DISC1: variants seen among roughly 807,000 people sequenced by gnomAD.
DISC1 encodes the protein disrupted in schizophrenia 1 protein.
DISC1 carries 57 observed loss-of-function variants against 84.5 expected under a neutral mutation model. The observed-to-expected ratio is 0.67, with a 90% CI of 0.55 to 0.84. DISC1 has a LOEUF of 0.84. Among genes scored for constraint, DISC1 ranks in the 40% least tolerant of loss-of-function variants. DISC1 has a pLI of 0.00. For synonymous variants in DISC1, 411 were observed against 415.2 expected, an observed-to-expected ratio of 0.99 and a Z score of 0.12; for missense variants, 1,000 against 1,057.8, an observed-to-expected ratio of 0.95 and a Z score of 0.76.
At chr1:231,758,358 A>AT (rs111791124) in intron 4 of DISC1, among the ~76,000 whole-genome samples, 64 of 149,460 alleles carry the variant, frequency 4.3e-4, no homozygotes, top group Non-Finnish European at 6.5e-4. Context: ...AATCTAGTGG[A>AT]TTTTTTTTTT....
chr1:231,966,547 T>C (rs1354993291), intron 10 of DISC1, among the ~76,000 whole-genome samples: 1 of 152,258 alleles, frequency 6.6e-6, no homozygotes, highest in East Asian at 1.9e-4. Flanking sequence ...GGCAAACTCA[T>C]GTCTCTGGAC....
intron 9 of DISC1, among the ~76,000 whole-genome samples, chr1:231,919,948 T>C (rs2089893174): frequency 6.6e-6 from 1 of 152,210 alleles, no homozygotes; most frequent in Admixed American, 6.5e-5. Flanking sequence ...GGTTTCCCTG[T>C]TGCCTCTCTC....
At chr1:231,726,054 T>A (rs2070642150) in intron 3 of DISC1, among the ~76,000 whole-genome samples, 1 of 152,152 alleles carries the variant, frequency 6.6e-6, no homozygotes, top group Non-Finnish European at 1.5e-5. Flanking sequence ...AGAAACATGG[T>A]TGGTCTACAG....
intron 1 of DISC1, among the ~76,000 whole-genome samples, chr1:231,640,839 C>T (rs528063827): frequency 2.0e-5 from 3 of 152,276 alleles, no homozygotes; most frequent in African/African-American, 7.2e-5. Flanking sequence ...CTGTGCCCCT[C>T]CCTGGTTTTT....
chr1:231,763,030 G>A (rs1023282919), intron 4 of DISC1, among the ~76,000 whole-genome samples: 3 of 152,224 alleles, frequency 2.0e-5, no homozygotes, highest in South Asian at 2.1e-4. Context: ...CACTCTCCAC[G>A]TTGCACTGCC....
intron 10 of DISC1, among the ~76,000 whole-genome samples, chr1:232,000,860 A>G (rs1011237849): frequency 6.6e-6 from 1 of 152,242 alleles, no homozygotes; most frequent in African/African-American, 2.4e-5. Context: ...AAGAATGAAA[A>G]GGAAATAAAT....
In DISC1 at chr1:231,852,555, T is replaced by C. The variant is rs974822471; in HGVS notation, c.1981+34038T>C. Among the ~76,000 whole-genome samples, 4 of 152,260 alleles carry C rather than the reference T, an allele frequency of 2.6e-5. No homozygotes were observed. In the South Asian group the frequency reaches 6.2e-4, roughly 24 times the overall value. On this transcript the variant is annotated intron_variant, in intron 9 of 12. Coordinates refer to ENST00000439617, the MANE Select transcript of DISC1 (RefSeq NM_018662.3). ...TTCCTAATATTTTGTAAAGCATTCA[T>C]ATAGCAACATTTGGGGCACATGCGC...
In DISC1 at chr1:231,818,341, GGACGGCTAAA is replaced by G; in HGVS notation, c.1809_1818del (p.Ala604SerfsTer8). The G allele has an allele frequency of 6.2e-7, 1 of 1,613,900 alleles. No homozygotes were observed. The highest frequency in any genetic ancestry group is 8.5e-7 in the Non-Finnish European group (1 of 1,179,866). On this transcript the variant is annotated frameshift_variant, in exon 9 of 13. Coordinates refer to ENST00000439617, the MANE Select transcript of DISC1 (RefSeq NM_018662.3). LOFTEE classifies it high-confidence loss of function. ...CAACGTGCTGTAGGAAACCATTTCT[GGACGGCTAAA>G]GACCTCACCGAGGAGATTAGATCAT...
intron 4 of DISC1, among the ~76,000 whole-genome samples, chr1:231,764,839 G>T (rs2076039870): frequency 6.6e-6 from 1 of 152,022 alleles, no homozygotes; most frequent in Non-Finnish European, 1.5e-5. Flanking sequence ...GAAAACCTTT[G>T]CCAGGCCAGT....
intron 6 of DISC1, among the ~76,000 whole-genome samples, chr1:231,793,265 A>C (rs1377373015): frequency 6.6e-6 from 1 of 152,152 alleles, no homozygotes; most frequent in Non-Finnish European, 1.5e-5. Context: ...CATACCCCAG[A>C]AACCTTGACC....
chr1:231,986,773 C>A (rs1183468938), intron 10 of DISC1, among the ~76,000 whole-genome samples: 2 of 152,134 alleles, frequency 1.3e-5, no homozygotes, highest in Non-Finnish European at 2.9e-5. Context: ...GATAATGTGA[C>A]CACAGTGCAG....
intron 1 of DISC1, among the ~76,000 whole-genome samples, chr1:231,673,179 T>C (rs1452470765): frequency 1.3e-5 from 2 of 152,248 alleles, no homozygotes; most frequent in East Asian, 1.9e-4. Context: ...GTTTTCATTA[T>C]AAAGAATTAA....
At chr1:231,907,751 C>A (rs985166546) in intron 9 of DISC1, among the ~76,000 whole-genome samples, 1 of 152,244 alleles carries the variant, frequency 6.6e-6, no homozygotes, top group Non-Finnish European at 1.5e-5. Context: ...AATCGCTACA[C>A]TGTCTTCCAC....
chr1:231,889,408 A>C (rs904230397), intron 9 of DISC1, among the ~76,000 whole-genome samples: 4 of 152,252 alleles, frequency 2.6e-5, no homozygotes, highest in Admixed American at 6.5e-5. Context: ...AAGCCAGAGA[A>C]GTAAGTATTT....
rs116351200 is a variant in DISC1, at chr1:231,860,991, G to A, written c.1981+42474G>A. ...TTCTGTCCCTCATCAATTTTTTTCC[G>A]CAAGGGCACTTTTGCCTTCAAATGG... On this transcript the variant is annotated intron_variant, in intron 9 of 12. Transcript: ENST00000439617. Among the ~76,000 whole-genome samples the A allele has an allele frequency of 8.1e-3, 1,231 of 152,176 alleles. 20 individuals are homozygous for A. Among genetic ancestry groups the A allele is most frequent in the African/African-American group, 0.028 (1,169 of 41,494 alleles).
chr1:232,037,450 AT>A lies in DISC1; in HGVS notation c.*623del, dbSNP rs1439921314. ...CCTCCCAGTGATATGCCACCTTTCA[AT>A]TTTCCTTTTGTGGCAATGATTGCAT... On this transcript the variant is annotated 3_prime_UTR_variant, in exon 13 of 13. Transcript: ENST00000439617. 6.6e-6 allele frequency: 1 copy of A among 152,192 alleles called. No individual in the cohort carries two copies. The highest frequency in any genetic ancestry group is 1.5e-5 in the Non-Finnish European group (1 of 68,032). 9.4% of individuals were successfully genotyped at this position (152,192 alleles called of 1,614,324 possible). A position where few individuals can be genotyped will look rare whatever the true frequency, so the allele number is the denominator to read the frequency against.
intron 8 of DISC1, chr1:231,815,322 C>T (rs1311698338): frequency 6.6e-6 from 1 of 152,198 alleles, no homozygotes; most frequent in Non-Finnish European, 1.5e-5. Context: ...AAACAACACC[C>T]TATCTTGTCC....
At chr1:231,950,513 C>T (rs748229872) in intron 9 of DISC1, among the ~76,000 whole-genome samples, 3 of 152,084 alleles carry the variant, frequency 2.0e-5, no homozygotes, top group Non-Finnish European at 2.9e-5. Flanking sequence ...GACAAAGGCA[C>T]GTGAGTGGGA....
At chr1:231,901,458 T>G (rs1190435652) in intron 9 of DISC1, among the ~76,000 whole-genome samples, 2 of 152,216 alleles carry the variant, frequency 1.3e-5, no homozygotes, top group African/African-American at 4.8e-5. Context: ...CAAGTTCATA[T>G]CTCAGGGTTG....
Sources: allele counts gnomAD v4.1 joint callset (sites outside exome capture counted in the v4.1 genomes callset), GRCh38; gene constraint gnomAD v4.1.1; transcripts MANE v1.5; gene names NCBI Gene and HGNC (gene_info 2026-07-23, HGNC 2026-07-21).